ADAMTS9: variants seen among roughly 807,000 people sequenced by gnomAD.
ADAMTS9 encodes the protein ADAM metallopeptidase with thrombospondin type 1 motif 9.
ADAMTS9 carries 107 observed loss-of-function variants against 257.1 expected under a neutral mutation model. That is an observed-to-expected ratio of 0.42 (90% CI 0.36 to 0.49). The LOEUF (loss-of-function observed/expected upper bound fraction) is 0.49, where lower values mean the gene tolerates loss of function less well. Ranked by LOEUF, ADAMTS9 falls within the 20% of genes least tolerant of loss-of-function variation. The probability of loss-of-function intolerance (pLI) is 0.03; values close to 1 mark genes in which losing one functional copy is unlikely to be tolerated. For missense variants in ADAMTS9, 2,353 were observed against 2,469.1 expected, an observed-to-expected ratio of 0.95 and a Z score of 1.00; for synonymous variants, 982 against 880.9, an observed-to-expected ratio of 1.11 and a Z score of -2.03.
intron 3 of ADAMTS9, among the ~76,000 whole-genome samples, chr3:64,663,210 C>T (rs1011205956): frequency 3.3e-5 from 5 of 151,814 alleles, no homozygotes; most frequent in Non-Finnish European, 1.5e-5. Flanking sequence ...TGTGGATATA[C>T]CAAAGAATCA....
At chr3:64,569,092 G>C (rs2083614008) in intron 28 of ADAMTS9, 1 of 153,566 alleles carries the variant, frequency 6.5e-6, no homozygotes, top group Non-Finnish European at 1.4e-5. Flanking sequence ...GCCAATTTTG[G>C]GAGGGAGGCA....
At chr3:64,682,385 CT>C (rs774138085) in intron 2 of ADAMTS9, among the ~76,000 whole-genome samples, 25 of 152,180 alleles carry the variant, frequency 1.6e-4, no homozygotes, top group Non-Finnish European at 2.9e-4. Flanking sequence ...ATAAAATTTG[CT>C]CTTACTAATC....
Position 64,687,921 on chromosome 3 carries a change from G to A in ADAMTS9, c.-264C>T, listed in dbSNP as rs1701964554. On this transcript the variant is annotated 5_prime_UTR_variant, in exon 1 of 40. Transcript: ENST00000498707. The surrounding 1 kb of genome is among the most constrained non-coding windows in gnomAD (Gnocchi z 4.4). Reference sequence around the variant, plus strand: ...GGAGGAGGAGGAGGACTGGGGCTCGGCTGCTTGGCCGCATAATGCCCAGCG... The same window carrying A: ...GGAGGAGGAGGAGGACTGGGGCTCGACTGCTTGGCCGCATAATGCCCAGCG... 6.1e-6 allele frequency: 2 copies of A among 325,790 alleles called. No homozygotes were observed. Among genetic ancestry groups the A allele is most frequent in the Non-Finnish European group, 1.1e-5 (2 of 178,446 alleles). 20.2% of individuals were successfully genotyped at this position (325,790 alleles called of 1,614,324 possible). A position where few individuals can be genotyped will look rare whatever the true frequency, so the allele number is the denominator to read the frequency against.
intron 38 of ADAMTS9, among the ~76,000 whole-genome samples, chr3:64,524,654 T>C (rs1317080557): frequency 6.6e-6 from 1 of 152,230 alleles, no homozygotes; most frequent in Non-Finnish European, 1.5e-5. Flanking sequence ...TTTGTGCAAA[T>C]TTGTTTTCTC....
At chr3:64,613,546 GA>G (rs1260668597) in intron 21 of ADAMTS9, 37 bp from the exon 22 acceptor site, 2 of 1,591,960 alleles carry the variant, frequency 1.3e-6, no homozygotes, top group East Asian at 4.5e-5. Flanking sequence ...GGTCATTTCT[GA>G]TCAATGTGTT....
intron 3 of ADAMTS9, among the ~76,000 whole-genome samples, chr3:64,665,967 A>ATC (rs1347646447): frequency 6.6e-6 from 1 of 152,230 alleles, no homozygotes; most frequent in African/African-American, 2.4e-5. Context: ...CTCGTGGAAC[A>ATC]TCGATTTTGT....
chr3:64,568,682 G>A, intron 28 of ADAMTS9, 147 bp from the exon 29 acceptor site: 1 of 868,724 alleles, frequency 1.2e-6, no homozygotes, highest in East Asian at 2.8e-5. Context: ...AATATCTCAA[G>A]GCTTAATAGG....
intron 30 of ADAMTS9, chr3:64,561,229 C>T (rs549655895): frequency 2.1e-5 from 4 of 186,130 alleles, no homozygotes; most frequent in African/African-American, 7.0e-5. Context: ...ACAGAATGAC[C>T]AAATCTGGAG....
intron 30 of ADAMTS9, among the ~76,000 whole-genome samples, chr3:64,557,094 G>T (rs116495754): frequency 2.4e-4 from 36 of 152,274 alleles, no homozygotes; most frequent in African/African-American, 7.7e-4. Flanking sequence ...ATTTAGTGGG[G>T]TGGTGTGATT....
chr3:64,562,692 G>A (rs2083449466), intron 29 of ADAMTS9, among the ~76,000 whole-genome samples: 1 of 152,164 alleles, frequency 6.6e-6, no homozygotes, highest in Non-Finnish European at 1.5e-5. Flanking sequence ...GTCTGGTGTT[G>A]AGAAAATAAG....
chr3:64,619,064 G>C (rs1195259969), intron 19 of ADAMTS9, among the ~76,000 whole-genome samples: 1 of 152,018 alleles, frequency 6.6e-6, no homozygotes, highest in African/African-American at 2.4e-5. Context: ...GTGCTCCATG[G>C]GTAAACTTAA....
intron 22 of ADAMTS9, among the ~76,000 whole-genome samples, chr3:64,608,042 G>A (rs539931663): frequency 2.0e-5 from 3 of 151,782 alleles, no homozygotes; most frequent in Admixed American, 2.0e-4. Flanking sequence ...GGTCAAAACA[G>A]AAATCATAAG....
In ADAMTS9 at chr3:64,622,257, G is replaced by A. The variant is rs1700127304; in HGVS notation, c.2627C>T (p.Pro876Leu). The A allele has an allele frequency of 1.9e-6, 3 of 1,613,832 alleles. No homozygotes were observed. The highest frequency in any genetic ancestry group is 2.5e-6 in the Non-Finnish European group (3 of 1,179,968). The change falls in exon 18 of 40, where the codon CCT (proline) becomes CTT (leucine). Residue 876 changes from proline to leucine, a missense_variant. This residue lies in a region of ADAMTS9 where 1,402 missense variants were observed against 1,441.4 expected (regional missense o/e 0.97). Transcript: ENST00000498707. ...ATGACTGTTCCAGTAAAACTGCTGA[G>A]GTTTATCTTCAATTGGAATATTGAA... The part of the protein sequence containing the change: ...YSFNIPIEDK[P>L]QQFYWNSHGP...
chr3:64,596,749 C>T (rs2084371706), intron 27 of ADAMTS9, 81 bp downstream of exon 27: 2 of 1,549,288 alleles, frequency 1.3e-6, no homozygotes, highest in Admixed American at 1.8e-5. Flanking sequence ...AGTTCTTCTC[C>T]TTGAAAATAA....
chr3:64,643,744 C>A (rs1700718093), intron 11 of ADAMTS9, among the ~76,000 whole-genome samples: 1 of 151,766 alleles, frequency 6.6e-6, no homozygotes, highest in Admixed American at 6.6e-5. Context: ...GGATTACAGG[C>A]ATGAGCCAAC....
chr3:64,663,722 G>T (rs1047571663), intron 3 of ADAMTS9, among the ~76,000 whole-genome samples: 1 of 152,100 alleles, frequency 6.6e-6, no homozygotes, highest in South Asian at 2.1e-4. Flanking sequence ...AAATAATTCA[G>T]CATACTTTAG....
At chr3:64,626,710 T>C (rs541181527) in intron 16 of ADAMTS9, among the ~76,000 whole-genome samples, 2 of 152,194 alleles carry the variant, frequency 1.3e-5, no homozygotes, top group Admixed American at 6.5e-5. Context: ...AATACAAATT[T>C]ACTTTTATAA....
At chr3:64,603,391 A>G (rs368560473) in intron 25 of ADAMTS9, among the ~76,000 whole-genome samples, 1 of 148,882 alleles carries the variant, frequency 6.7e-6, no homozygotes, top group African/African-American at 2.5e-5. Flanking sequence ...GAAAACAAGA[A>G]GCTGCCTAAA....
intron 3 of ADAMTS9, among the ~76,000 whole-genome samples, chr3:64,667,150 TG>T (rs1339481433): frequency 6.6e-6 from 1 of 152,214 alleles, no homozygotes; most frequent in Admixed American, 6.5e-5. Flanking sequence ...CACTTTGGGC[TG>T]GCCTGAACCT....
Sources: gnomAD v4.1 joint callset for allele counts (sites outside exome capture counted in the v4.1 genomes callset) on GRCh38, gnomAD v4.1.1 for gene constraint, gnomAD v4.1.1 regional missense constraint, Gnocchi (gnomAD v3.1) non-coding constraint, MANE v1.5 for transcripts, NCBI Gene and HGNC (gene_info 2026-07-23, HGNC 2026-07-21) for gene names.